The following TRIM63 variants were observed in gnomAD, a reference collection of about 807,000 sequenced individuals.
The protein encoded by TRIM63 is E3 ubiquitin-protein ligase TRIM63.
Under a neutral mutation model 46.0 loss-of-function variants are expected in TRIM63, and 48 were observed. The ratio of observed to expected loss-of-function variants is 1.04; its 90% CI spans 0.83 to 1.33. The LOEUF is 1.33. TRIM63 is among the 40% of genes most tolerant of loss of function. The pLI, the probability that TRIM63 is intolerant of heterozygous loss-of-function variation, is 0.00. For synonymous variants in TRIM63, 175 were observed against 162.8 expected, an observed-to-expected ratio of 1.08 and a Z score of -0.57; for missense variants, 455 against 441.2, an observed-to-expected ratio of 1.03 and a Z score of -0.28.
At chr1:26,057,429 C>A in intron 6 of TRIM63, 102 bp from the exon 7 acceptor site, 1 of 1,500,378 alleles carries the variant, frequency 6.7e-7, no homozygotes, top group Non-Finnish European at 9.0e-7. Context: ...TACCCAGAGG[C>A]TCCCCTGGAG....
intron 2 of TRIM63, among the ~76,000 whole-genome samples, chr1:26,062,077 G>A (rs908335246): frequency 9.9e-5 from 15 of 152,082 alleles, no homozygotes; most frequent in African/African-American, 2.9e-4. Context: ...AGACCAGCTT[G>A]ACCAATATGA....
intron 7 of TRIM63, among the ~76,000 whole-genome samples, chr1:26,056,188 A>G (rs937189884): frequency 6.6e-6 from 1 of 152,052 alleles, no homozygotes; most frequent in Non-Finnish European, 1.5e-5. Context: ...TTTCCCTTTT[A>G]GCTGTGTGAC....
At chr1:26,065,655 C>T (rs2050670627) in intron 2 of TRIM63, among the ~76,000 whole-genome samples, 1 of 152,234 alleles carries the variant, frequency 6.6e-6, no homozygotes, top group East Asian at 1.9e-4. Flanking sequence ...ACCACTCACA[C>T]ATTCTGCCTA....
intron 7 of TRIM63, among the ~76,000 whole-genome samples, chr1:26,054,765 A>C (rs2050553394): frequency 6.6e-6 from 1 of 152,048 alleles, no homozygotes; most frequent in Non-Finnish European, 1.5e-5. Flanking sequence ...TCAGGAGTTC[A>C]AGACCTGCCT....
At position 26,058,531 on chromosome 1, in the gene TRIM63, C is replaced by G; in HGVS notation, c.690G>C (p.Arg230=). The G allele has an allele frequency of 6.2e-7, 1 of 1,614,212 alleles. No individual in the cohort carries two copies. The highest frequency in any genetic ancestry group is 8.5e-7 in the Non-Finnish European group (1 of 1,180,030). The change falls in exon 5 of 9, where the codon CGG becomes CGC. Residue 230 remains arginine, a synonymous_variant. Coordinates refer to ENST00000374272, the MANE Select transcript of TRIM63 (RefSeq NM_032588.4). ...GCTTTTTCTCCTGCTCCTGCGTGAT[C>G]CGCTGCAGCAACTCACTTTTCTTCT... The part of the protein sequence containing the change: ...LDEKKSELLQ[R]ITQEQEKKLS...
At chr1:26,059,024 T>TC (rs911918293) in intron 4 of TRIM63, among the ~76,000 whole-genome samples, 3 of 14,448 alleles carry the variant, frequency 2.1e-4, no homozygotes, top group African/African-American at 7.5e-4. Context: ...TCTGTTGCCC[T>TC]TTTTTTTTTT....
At position 26,057,753 on chromosome 1, in the gene TRIM63, A is replaced by G. The variant is rs1426969078; in HGVS notation, c.832-103T>C. ...GTGTTGTAGGTAGATATTTGGTGCCATTCCCTAGCCCAGTTGTGACCTGCT... is the reference window on the plus strand; with the variant it reads ...GTGTTGTAGGTAGATATTTGGTGCCGTTCCCTAGCCCAGTTGTGACCTGCT... On this transcript the variant is annotated intron_variant, in intron 5 of 8. Coordinates refer to ENST00000374272, the MANE Select transcript of TRIM63 (RefSeq NM_032588.4). 8 of 1,277,194 alleles carry G rather than the reference A, an allele frequency of 6.3e-6. No homozygotes were observed. The East Asian group carries it at 1.4e-4, about 23-fold the overall frequency. 79.1% of individuals were successfully genotyped at this position (1,277,194 alleles called of 1,614,324 possible). A position where few individuals can be genotyped will look rare whatever the true frequency, so the allele number is the denominator to read the frequency against.
chr1:26,065,600 C>A (rs910806208), intron 2 of TRIM63, among the ~76,000 whole-genome samples: 1 of 152,236 alleles, frequency 6.6e-6, no homozygotes, highest in Admixed American at 6.5e-5. Flanking sequence ...AGCCACCATG[C>A]CTGGCCCTCT....
chr1:26,061,910 CCCTGTG>C (rs1215898382), intron 2 of TRIM63, among the ~76,000 whole-genome samples: 5 of 152,082 alleles, frequency 3.3e-5, no homozygotes, highest in Non-Finnish European at 7.4e-5. Context: ...TTTTCTTCAC[CCCTGTG>C]CCTACACTGT....
intron 2 of TRIM63, among the ~76,000 whole-genome samples, chr1:26,065,677 C>T (rs541444724): frequency 1.1e-4 from 17 of 152,342 alleles, no homozygotes; most frequent in African/African-American, 3.8e-4. Flanking sequence ...GAATGAGCTG[C>T]TATTTTATTA....
intron 1 of TRIM63, 75 bp downstream of exon 1, chr1:26,067,261 A>G: frequency 6.4e-7 from 1 of 1,556,870 alleles, no homozygotes; most frequent in Non-Finnish European, 8.7e-7. Flanking sequence ...TGGAAGTCTA[A>G]GGGAGAAGGG....
chr1:26,054,403 G>A (rs1429591359), intron 7 of TRIM63, among the ~76,000 whole-genome samples: 1 of 152,160 alleles, frequency 6.6e-6, no homozygotes, highest in African/African-American at 2.4e-5. Context: ...TGCTTGTTCA[G>A]CAGCCACTGT....
At chr1:26,053,743 C>A in intron 8 of TRIM63, 150 bp downstream of exon 8, 1 of 595,668 alleles carries the variant, frequency 1.7e-6, no homozygotes, top group Admixed American at 3.7e-5. Context: ...GAGAACAGGA[C>A]TTTACCCTCA....
intron 2 of TRIM63, among the ~76,000 whole-genome samples, chr1:26,062,963 G>A (rs907224352): frequency 1.3e-5 from 2 of 152,134 alleles, no homozygotes; most frequent in Non-Finnish European, 2.9e-5. Flanking sequence ...CACCATGTTG[G>A]GCAGGCTGGT....
At position 26,066,044 on chromosome 1, in the gene TRIM63, C is replaced by T. The variant is rs17257086; in HGVS notation, c.332+224G>A. Among the ~76,000 whole-genome samples, 22,824 of 152,234 alleles carry T rather than the reference C, an allele frequency of 0.15. 1,852 individuals carry two copies. The highest frequency in any genetic ancestry group is 0.24 in the Middle Eastern group (70 of 294). ...CCCCCAGTCTCTGTCTTGGTATTGC[C>T]TGGAAGGGCAGCCTAATGTCTGGGC... On this transcript the variant is annotated intron_variant, in intron 2 of 8. Coordinates refer to ENST00000374272, the MANE Select transcript of TRIM63 (RefSeq NM_032588.4).
chr1:26,066,349 A>C lies in TRIM63; in HGVS notation c.251T>G (p.Met84Arg), dbSNP rs1459819996. 15 of 1,613,954 alleles carry C rather than the reference A, an allele frequency of 9.3e-6. No individual in the cohort carries two copies. The highest frequency in any genetic ancestry group is 1.2e-5 in the Non-Finnish European group (14 of 1,179,958). ...RCPTCRHEVI[M>R]DRHGVYGLQR... is the part of the protein sequence containing the mutation. ...CAGGCCGTACACTCCGTGACGATCC[A>C]TGATCACCTCGTGGCGGCAGGTGGG... The change falls in exon 2 of 9, where the codon ATG (methionine) becomes AGG (arginine). Residue 84 changes from methionine (M) to arginine (R), a missense_variant. Met to Arg is a moderately conservative substitution (Grantham distance 91). Coordinates refer to ENST00000374272, the MANE Select transcript of TRIM63 (RefSeq NM_032588.4).
At position 26,061,436 on chromosome 1, in the gene TRIM63, G is replaced by A. The variant is rs147622680; in HGVS notation, c.333-102C>T. 4.4e-4 allele frequency: 563 copies of A among 1,290,108 alleles called. 1 individual carries two copies. In the African/African-American group the frequency reaches 7.0e-3, roughly 16 times the overall value. The allele number at this position is 1,290,108 out of a possible 1,614,324, so 79.9% of individuals were successfully genotyped here. ...GCAGCTACTGGGGAGGCTGAGGCAG[G>A]AGGATTGCTCAGCCCAGGAATTCGA... On this transcript the variant is annotated intron_variant, in intron 2 of 8. Transcript: ENST00000374272.
intron 2 of TRIM63, 76 bp from the exon 3 acceptor site, chr1:26,061,410 C>A: frequency 6.6e-7 from 1 of 1,508,332 alleles, no homozygotes; most frequent in South Asian, 1.2e-5. Context: ...ATGCACCAGT[C>A]GCAGCTACTG....
At chr1:26,064,022 G>C (rs553345815) in intron 2 of TRIM63, among the ~76,000 whole-genome samples, 1 of 152,354 alleles carries the variant, frequency 6.6e-6, no homozygotes, top group South Asian at 2.1e-4. Flanking sequence ...CCGGCCAGGC[G>C]CGGTGGCCCA....
Sources: gnomAD v4.1 joint callset for allele counts (sites outside exome capture counted in the v4.1 genomes callset) on GRCh38, gnomAD v4.1.1 for gene constraint, MANE v1.5 for transcripts, NCBI Gene and HGNC (gene_info 2026-07-23, HGNC 2026-07-21) for gene names.